The following CPNE7 variants were observed in gnomAD, a reference collection of about 807,000 sequenced individuals.
CPNE7 encodes copine-7.
CPNE7 carries 78 observed loss-of-function variants against 66.5 expected under a neutral mutation model. The ratio of observed to expected loss-of-function variants is 1.17; its 90% CI spans 0.98 to 1.42. The LOEUF (loss-of-function observed/expected upper bound fraction) is 1.42, where lower values mean the gene tolerates loss of function less well. Among genes scored for constraint, CPNE7 ranks in the 40% most tolerant of loss-of-function variants. CPNE7 has a pLI of 0.00. For missense variants in CPNE7, 1,012 were observed against 776.6 expected (o/e 1.30, Z -3.60); for synonymous variants, 468 against 336.7 (o/e 1.39, Z -4.27).
Position 89,584,879 on chromosome 16 carries a change from C to G in CPNE7, c.591+22C>G, listed in dbSNP as rs773149702. The G allele has an allele frequency of 9.3e-6, 15 of 1,604,764 alleles. No homozygotes were observed. Among genetic ancestry groups the G allele is most frequent in the Non-Finnish European group, 1.2e-5 (14 of 1,172,860 alleles). ...GGAGGTGAGCGGCCGGGGATGGGAA[C>G]ACAGGGAGGGGAAGGGGCTGTCCCC... On this transcript the variant is annotated intron_variant, in intron 5 of 14. Transcript: ENST00000319518. The surrounding 1 kb of genome is among the most constrained non-coding windows in gnomAD (Gnocchi z 6.0).
At chr16:89,578,214 G>A (rs926901105) in intron 2 of CPNE7, among the ~76,000 whole-genome samples, 20 of 151,630 alleles carry the variant, frequency 1.3e-4, no homozygotes, top group South Asian at 4.2e-4. Flanking sequence ...ACAGGCACCC[G>A]CCACCACGCC....
At chr16:89,586,893 G>A (rs915340529) in intron 8 of CPNE7, 137 bp downstream of exon 8, 1 of 1,092,732 alleles carries the variant, frequency 9.2e-7, no homozygotes, top group South Asian at 1.3e-5. Context: ...AGACGGGGAA[G>A]GGCGAGGTTG....
intron 9 of CPNE7, 53 bp downstream of exon 9, chr16:89,587,155 G>GCCCCCCTCAGTCCGTGGCCCCGCCCCT (rs1555623773): frequency 1.8e-6 from 1 of 554,912 alleles, no homozygotes; most frequent in Non-Finnish European, 2.3e-6. Flanking sequence ...GCCCCGCCCC[G>GCCCCCCTCAGTCCGTGGCCCCGCCCCT]CCCCGCCCCC....
chr16:89,593,950 G>A (rs1356881514), intron 13 of CPNE7: 1 of 152,160 alleles, frequency 6.6e-6, no homozygotes, highest in African/African-American at 2.4e-5. Context: ...ATAAAGATAA[G>A]CCTCTTTTTA....
At chr16:89,591,361 C>T (rs1245967377) in intron 13 of CPNE7, 101 bp downstream of exon 13, 22 of 1,418,514 alleles carry the variant, frequency 1.6e-5, no homozygotes, top group East Asian at 7.5e-5. Context: ...GAACAGCCAG[C>T]GCAGAGGCCC....
intron 2 of CPNE7, among the ~76,000 whole-genome samples, chr16:89,583,231 G>A (rs1339160700): frequency 2.0e-5 from 3 of 152,154 alleles, no homozygotes; most frequent in Non-Finnish European, 2.9e-5. Flanking sequence ...TCTGCCGCCC[G>A]TGGCTACGTG....
At chr16:89,590,887 G>C in intron 11 of CPNE7, 120 bp from the exon 12 acceptor site, 1 of 996,566 alleles carries the variant, frequency 1.0e-6, no homozygotes, top group Non-Finnish European at 1.4e-6. Flanking sequence ...CGGGGACGGG[G>C]GGAGCAGCTG....
At chr16:89,587,427 C>T (rs1243293359) in intron 9 of CPNE7, 30 of 383,926 alleles carry the variant, frequency 7.8e-5, no homozygotes, top group African/African-American at 5.0e-4. Flanking sequence ...TGTCTCCATG[C>T]GCGGCTCCTG....
At chr16:89,588,839 G>T (rs780711494) in intron 10 of CPNE7, 31 bp downstream of exon 10, 1 of 1,607,766 alleles carries the variant, frequency 6.2e-7, no homozygotes, top group Non-Finnish European at 8.5e-7. Flanking sequence ...TCACCCCCTG[G>T]TCTCCAGGTC....
chr16:89,590,379 G>T (rs1466762095), intron 11 of CPNE7, among the ~76,000 whole-genome samples: 2 of 152,072 alleles, frequency 1.3e-5, no homozygotes, highest in Non-Finnish European at 2.9e-5. Flanking sequence ...ACAAAAATTA[G>T]CTGGGCGTGG....
chr16:89,584,150 C>T lies in CPNE7; in HGVS notation c.507+48C>T. The T allele has an allele frequency of 6.3e-7, 1 of 1,578,168 alleles. No homozygotes were observed. Among genetic ancestry groups the T allele is most frequent in the Non-Finnish European group, 8.6e-7 (1 of 1,160,648 alleles). ...CCTGGCTCAGGCTGAGGTCCGGGAA[C>T]CGGTTCGAAAACCCGGTCCCTGCCC... On this transcript the variant is annotated intron_variant, in intron 4 of 14. Transcript: ENST00000319518. This position sits in a 1 kb window ranked among gnomAD's most constrained non-coding sequence, Gnocchi z 6.0.
intron 2 of CPNE7, among the ~76,000 whole-genome samples, chr16:89,582,355 G>GT (rs746691943): frequency 6.6e-6 from 1 of 152,236 alleles, no homozygotes; most frequent in Non-Finnish European, 1.5e-5. Flanking sequence ...CAGCGATCTC[G>GT]TATTTCCTGG....
intron 1 of CPNE7, among the ~76,000 whole-genome samples, chr16:89,576,537 A>T (rs2058862779): frequency 6.6e-6 from 1 of 152,142 alleles, no homozygotes; most frequent in South Asian, 2.1e-4. Context: ...CTCCCGCTCC[A>T]ACGTGGGTCT....
At chr16:89,583,201 G>T (rs929851127) in intron 2 of CPNE7, among the ~76,000 whole-genome samples, 1 of 151,922 alleles carries the variant, frequency 6.6e-6, no homozygotes, top group Non-Finnish European at 1.5e-5. Context: ...GTCCTGGGCC[G>T]GCACCTCGCT....
chr16:89,592,045 T>G (rs2059180640), intron 13 of CPNE7, among the ~76,000 whole-genome samples: 1 of 146,932 alleles, frequency 6.8e-6, no homozygotes, highest in Admixed American at 6.8e-5. Context: ...TCTCGCTCTG[T>G]CACCCAGGCT....
chr16:89,584,958 G>A lies in CPNE7; in HGVS notation c.591+101G>A, dbSNP rs1422099609. The A allele has an allele frequency of 1.0e-5, 11 of 1,074,838 alleles. No homozygotes were observed. Among genetic ancestry groups the A allele is most frequent in the Middle Eastern group, 2.8e-4 (1 of 3,622 alleles). The allele number at this position is 1,074,838 out of a possible 1,614,324, so 66.6% of individuals were successfully genotyped here. Reference sequence around the variant, plus strand: ...AGGAGCTCCCAGCCTCCAACAGGGAGCTGTGGGCGCAGGGCTTTGGTGGCT... The same window carrying A: ...AGGAGCTCCCAGCCTCCAACAGGGAACTGTGGGCGCAGGGCTTTGGTGGCT... On this transcript the variant is annotated intron_variant, in intron 5 of 14. Transcript: ENST00000319518. This position sits in a 1 kb window ranked among gnomAD's most constrained non-coding sequence, Gnocchi z 6.0.
Position 89,575,924 on chromosome 16 carries a change from G to T in CPNE7, c.27G>T (p.Ala9=), listed in dbSNP as rs913194432. The change falls in exon 1 of 15, where the codon GCG becomes GCT. Residue 9 remains alanine (A), a synonymous_variant. Transcript: ENST00000319518. ...TGAGCGCGGGCTCGGAGCGCGGGGC[G>T]GCGGCAACCCCCGGGGGTTTGCCCG... MSAGSERG[A]AATPGGLPAP... is the part of the protein sequence containing the mutation. The T allele has an allele frequency of 2.4e-6, 3 of 1,261,304 alleles. No homozygotes were observed. Among genetic ancestry groups the T allele is most frequent in the African/African-American group, 3.1e-5 (2 of 64,090 alleles). The allele number at this position is 1,261,304 out of a possible 1,614,324, so 78.1% of individuals were successfully genotyped here.
rs1410429394 is a variant in CPNE7, at chr16:89,577,524, C to T, written c.175-15C>T. 1 of 1,550,706 alleles carries T rather than the reference C, an allele frequency of 6.4e-7. No individual in the cohort carries two copies. The highest frequency in any genetic ancestry group is 2.0e-5 in the Admixed American group (1 of 50,950). On this transcript the variant is annotated splice_polypyrimidine_tract_variant and intron_variant, in intron 1 of 14. Transcript: ENST00000319518. Reference sequence around the variant, plus strand: ...AAGCCTCTGGAGTGGGGTCGGCTCACAGGTGCACTTGCAGGTGGGCAGAAC... The same window carrying T: ...AAGCCTCTGGAGTGGGGTCGGCTCATAGGTGCACTTGCAGGTGGGCAGAAC...
chr16:89,587,081 C>A lies in CPNE7; in HGVS notation c.906C>A (p.Gly302=), dbSNP rs756795929. ...ACTCCTTCCTGGACTATATCATGGG[C>A]GGCTGCCAGATCCACTTCACCGTGA... ...RVYSFLDYIM[G]GCQIHFTVAI... is the part of the protein sequence containing the mutation. Residue 302 remains glycine, a synonymous_variant, in exon 9 of 15, where the codon GGC becomes GGA. Transcript: ENST00000319518. The A allele has an allele frequency of 3.2e-6, 5 of 1,573,078 alleles. No homozygotes were observed. The highest frequency in any genetic ancestry group is 4.3e-6 in the Non-Finnish European group (5 of 1,159,818).
Sources: gnomAD v4.1 joint callset for allele counts (sites outside exome capture counted in the v4.1 genomes callset) on GRCh38, gnomAD v4.1.1 for gene constraint, Gnocchi (gnomAD v3.1) non-coding constraint, MANE v1.5 for transcripts, NCBI Gene and HGNC (gene_info 2026-07-23, HGNC 2026-07-21) for gene names.